Variants in SLC25A19 observed in about 807,000 individuals in gnomAD.
SLC25A19 encodes mitochondrial thiamine pyrophosphate carrier.
Under a neutral mutation model 27.9 loss-of-function variants are expected in SLC25A19, and 18 were observed. The ratio of observed to expected loss-of-function variants is 0.64; its 90% CI spans 0.45 to 0.96. The LOEUF is 0.96. SLC25A19 is among the 40% of genes least tolerant of loss of function. The pLI is 0.00. For synonymous variants in SLC25A19, 169 were observed against 167.1 expected (o/e 1.01, Z -0.09); for missense variants, 371 against 418.3 (o/e 0.89, Z 0.99).
chr17:75,278,988 C>CATAAATAAATAAATAAATAA (rs77182978), intron 5 of SLC25A19, among the ~76,000 whole-genome samples: 1 of 146,732 alleles, frequency 6.8e-6, no homozygotes, highest in African/African-American at 2.5e-5. Flanking sequence ...GTCTCAAAAA[C>CATAAATAAATAAATAAATAA]ATAAATAAAT....
intron 5 of SLC25A19, 87 bp from the exon 6 acceptor site, chr17:75,278,422 A>AAT (rs1460324847): frequency 5.4e-6 from 8 of 1,477,402 alleles, no homozygotes; most frequent in Non-Finnish European, 7.5e-6. Context: ...CCTCGCCTAA[A>AAT]ATACCAGCTA....
At chr17:75,279,055 G>C (rs2077971251) in intron 5 of SLC25A19, among the ~76,000 whole-genome samples, 1 of 151,516 alleles carries the variant, frequency 6.6e-6, no homozygotes, top group Non-Finnish European at 1.5e-5. Flanking sequence ...AGGAGGTCTT[G>C]CTATGTTGCC....
At position 75,273,509 on chromosome 17, in the gene SLC25A19, G is replaced by A. The variant is rs768669571; in HGVS notation, c.905C>T (p.Ser302Leu). 5.6e-6 allele frequency: 9 copies of A among 1,614,182 alleles called. No individual in the cohort carries two copies. The highest frequency in any genetic ancestry group is 2.2e-5 in the East Asian group (1 of 44,886). The change falls in exon 8 of 8, where the codon TCG (serine) becomes TTG (leucine). Residue 302 changes from serine (S) to leucine (L), a missense_variant. Transcript: ENST00000416858. Reference protein sequence around the residue: ...AALSTGFMFFSYEFFCNVFHC... With the variant: ...AALSTGFMFFLYEFFCNVFHC... ...GAAGACATTACAGAAGAATTCATAC[G>A]AGAAGAACATGAAGCCTGTGGAGAG...
intron 5 of SLC25A19, among the ~76,000 whole-genome samples, chr17:75,281,052 T>C (rs1419952629): frequency 6.6e-6 from 1 of 150,868 alleles, no homozygotes; most frequent in Admixed American, 6.6e-5. Context: ...ATTAGTCAGG[T>C]GTGATGGCAC....
At chr17:75,277,237 G>T in intron 7 of SLC25A19, 116 bp downstream of exon 7, 1 of 1,363,300 alleles carries the variant, frequency 7.3e-7, no homozygotes, top group East Asian at 2.4e-5. Context: ...GGACGCAGGT[G>T]AAGGGGCCAT....
intron 5 of SLC25A19, among the ~76,000 whole-genome samples, chr17:75,280,043 T>G (rs183791273): frequency 2.9e-5 from 4 of 138,404 alleles, no homozygotes; most frequent in Non-Finnish European, 6.6e-5. Flanking sequence ...ACTAACAGTA[T>G]CCTAAAGCAG....
At chr17:75,273,702 G>C (rs896482585) in intron 7 of SLC25A19, 63 bp from the exon 8 acceptor site, 13 of 1,422,472 alleles carry the variant, frequency 9.1e-6, no homozygotes, top group Non-Finnish European at 1.3e-5. Flanking sequence ...ACAGCCCCTG[G>C]CACATCACAG....
In SLC25A19 at chr17:75,273,458, TG is replaced by T; in HGVS notation, c.955del (p.Gln319SerfsTer17). On this transcript the variant is annotated frameshift_variant, in exon 8 of 8. Transcript: ENST00000416858. LOFTEE classifies it high-confidence loss of function. ...CTGGGGTCCTTCCTGCACTCAGCGCTGGCTGGCTGTCCTGTTCATGCAGTGG... is the reference window on the plus strand; with the variant it reads ...CTGGGGTCCTTCCTGCACTCAGCGCTGCTGGCTGTCCTGTTCATGCAGTGG... ...VFHCMNRTAS[Q>X]R 6.2e-7 allele frequency: 1 copy of T among 1,613,388 alleles called. No homozygotes were observed. Among genetic ancestry groups the T allele is most frequent in the Non-Finnish European group, 8.5e-7 (1 of 1,179,512 alleles).
intron 5 of SLC25A19, among the ~76,000 whole-genome samples, chr17:75,282,904 TA>T (rs2078076862): frequency 6.6e-6 from 1 of 150,394 alleles, no homozygotes; most frequent in African/African-American, 2.4e-5. Context: ...ATCATATATT[TA>T]AAAAAAACAT....
intron 6 of SLC25A19, among the ~76,000 whole-genome samples, chr17:75,277,835 CT>C (rs1567836036): frequency 1.3e-5 from 2 of 151,888 alleles, no homozygotes; most frequent in Non-Finnish European, 2.9e-5. Flanking sequence ...CCCACTCCCC[CT>C]GCCTGGAAAA....
rs776356552 is a variant in SLC25A19 at position 75,284,633 on chromosome 17, C to CATTTTTTTTTTTTTTTTTTTTTT, written c.289-1041_289-1040insAAAAAAAAAAAAAAAAAAAAAAT. 2.2e-4 allele frequency among the ~76,000 whole-genome samples: 25 copies of CATTTTTTTTTTTTTTTTTTTTTT among 112,292 alleles called. 9 individuals carry two copies. The highest frequency in any genetic ancestry group is 1.7e-4 in the African/African-American group (5 of 29,396). The allele number at this position is 112,292 out of a possible 152,430, so 73.7% of individuals were successfully genotyped here. ...GTGACCCCCTTACATTCAGATCTTTCTTTTTTTTTTTTTTTTTTTTTTTTT... is the reference window on the plus strand; with the variant it reads ...GTGACCCCCTTACATTCAGATCTTTCATTTTTTTTTTTTTTTTTTTTTTTTTTTTTTTTTTTTTTTTTTTTTTT... On this transcript the variant is annotated intron_variant, in intron 4 of 7. Transcript: ENST00000416858.
At chr17:75,277,318 G>T in intron 7 of SLC25A19, 35 bp downstream of exon 7, 1 of 1,609,874 alleles carries the variant, frequency 6.2e-7, no homozygotes, top group Non-Finnish European at 8.5e-7. Flanking sequence ...TGATGGCAAG[G>T]GTCAGAGCTG....
intron 5 of SLC25A19, among the ~76,000 whole-genome samples, chr17:75,278,969 G>A (rs551281443): frequency 8.0e-5 from 12 of 150,632 alleles, no homozygotes; most frequent in Non-Finnish European, 1.5e-4. Context: ...GGTGACAGGC[G>A]GAGACTCTGT....
At chr17:75,280,285 T>G (rs913381142) in intron 5 of SLC25A19, among the ~76,000 whole-genome samples, 2 of 148,594 alleles carry the variant, frequency 1.3e-5, no homozygotes, top group African/African-American at 5.0e-5. Flanking sequence ...GTGGGAGGAT[T>G]GCTTGACCCC....
At chr17:75,286,981 G>T (rs2078200226) in intron 2 of SLC25A19, 179 bp from the exon 3 acceptor site, 4 of 572,254 alleles carry the variant, frequency 7.0e-6, no homozygotes, top group South Asian at 3.6e-5. Context: ...TGGGTGGATT[G>T]CTTGAGCTCA....
intron 4 of SLC25A19, among the ~76,000 whole-genome samples, chr17:75,285,144 C>T (rs1044176188): frequency 2.6e-5 from 4 of 152,074 alleles, no homozygotes; most frequent in Admixed American, 6.6e-5. Context: ...CTAATGTTGC[C>T]CAGGCTGGTC....
At chr17:75,278,064 A>T in intron 6 of SLC25A19, 88 bp downstream of exon 6, 7 of 1,443,572 alleles carry the variant, frequency 4.8e-6, no homozygotes, top group Non-Finnish European at 6.8e-6. Context: ...TGATTCGGAC[A>T]GGAGAACTTT....
rs377387748 is a variant in SLC25A19 at position 75,276,849 on chromosome 17, G to GT, written c.774+503dup. On this transcript the variant is annotated intron_variant, in intron 7 of 7. Transcript: ENST00000416858. ...ACCACCACGCCCGGCTAATTTTTTTGTTTTTTTTTTTTTTTAGTAGAGATG... is the reference window on the plus strand; with the variant it reads ...ACCACCACGCCCGGCTAATTTTTTTGTTTTTTTTTTTTTTTTAGTAGAGATG... Among the ~76,000 whole-genome samples the GT allele has an allele frequency of 1.6e-3, 213 of 134,086 alleles. 1 individual carries two copies. The highest frequency in any genetic ancestry group is 5.2e-3 in the African/African-American group (192 of 36,800). 88.0% of individuals were successfully genotyped at this position (134,086 alleles called of 152,430 possible). A position where few individuals can be genotyped will look rare whatever the true frequency, so the allele number is the denominator to read the frequency against.
intron 5 of SLC25A19, among the ~76,000 whole-genome samples, chr17:75,278,850 G>A (rs1474345628): frequency 6.6e-6 from 1 of 152,034 alleles, no homozygotes; most frequent in African/African-American, 2.4e-5. Flanking sequence ...GGGGGTGGTG[G>A]CTCATGCCTG....
Sources: allele counts gnomAD v4.1 joint callset (sites outside exome capture counted in the v4.1 genomes callset), GRCh38; gene constraint gnomAD v4.1.1; transcripts MANE v1.5; gene names NCBI Gene and HGNC (gene_info 2026-07-23, HGNC 2026-07-21).